WDPCP: variants seen among roughly 807,000 people sequenced by gnomAD.
WDPCP encodes WD repeat-containing and planar cell polarity effector protein fritz homolog.
A neutral mutation model predicts 93.1 loss-of-function variants in WDPCP; 71 were observed. That is an observed-to-expected ratio of 0.76 (90% CI 0.63 to 0.93). The LOEUF (loss-of-function observed/expected upper bound fraction) is 0.93, where lower values mean the gene tolerates loss of function less well. Among genes scored for constraint, WDPCP ranks in the 40% least tolerant of loss-of-function variants. The pLI, the probability that WDPCP is intolerant of heterozygous loss-of-function variation, is 0.00. For synonymous variants in WDPCP, 315 were observed against 315.0 expected, an observed-to-expected ratio of 1.00 and a Z score of 0.00; for missense variants, 844 against 887.4, an observed-to-expected ratio of 0.95 and a Z score of 0.62.
intron 2 of WDPCP, among the ~76,000 whole-genome samples, chr2:63,746,596 A>G (rs1394558888): frequency 1.3e-5 from 2 of 151,968 alleles, no homozygotes; most frequent in Non-Finnish European, 2.9e-5. Flanking sequence ...ATGCATTCCC[A>G]GGGGGGGCCT....
At chr2:63,550,581 A>C (rs1185831725) in intron 1 of WDPCP, among the ~76,000 whole-genome samples, 1 of 151,470 alleles carries the variant, frequency 6.6e-6, no homozygotes, top group African/African-American at 2.4e-5. Flanking sequence ...ATTCCTCAAA[A>C]TTCTGTCTTA....
intron 6 of WDPCP, among the ~76,000 whole-genome samples, chr2:63,473,295 G>C (rs1699792813): frequency 1.3e-5 from 2 of 152,000 alleles, no homozygotes; most frequent in African/African-American, 4.8e-5. Context: ...GAAAGAGTTG[G>C]GAAAAACCTC....
At chr2:63,274,137 G>A (rs755329767) in intron 13 of WDPCP, among the ~76,000 whole-genome samples, 10 of 151,976 alleles carry the variant, frequency 6.6e-5, no homozygotes, top group South Asian at 2.1e-4. Flanking sequence ...TAAAAAAATC[G>A]TATCAAGTAT....
Position 63,575,419 on chromosome 2 carries a change from C to G in WDPCP, c.75+12778G>C, listed in dbSNP as rs13016838. ...ATACAGTATATATACAGTATATACA[C>G]TGTATACAGTGTATATACAGTGTAT... On this transcript the variant is annotated intron_variant, in intron 1 of 17. Transcript: ENST00000272321. Among the ~76,000 whole-genome samples the G allele has an allele frequency of 6.4e-3, 421 of 65,534 alleles. 55 individuals are homozygous for G. The highest frequency in any genetic ancestry group is 0.049 in the Middle Eastern group (5 of 102). The allele number at this position is 65,534 out of a possible 152,430, so 43.0% of individuals were successfully genotyped here.
At chr2:63,364,933 T>C (rs1575235709) in intron 12 of WDPCP, among the ~76,000 whole-genome samples, 1 of 152,184 alleles carries the variant, frequency 6.6e-6, no homozygotes, top group Non-Finnish European at 1.5e-5. Context: ...CTATCACAAG[T>C]AAACCCTGCC....
rs554236387 is a variant in WDPCP at position 63,599,079 on chromosome 2, C to A, written n.488+51580G>T. On this transcript the variant is annotated intron_variant and non_coding_transcript_variant, in intron 3 of 4. Transcript: ENST00000467687. ...TTCCCAAGCCTCCCCTGTACAAAGG[C>A]TACCTGTTAGACATTTTCAGTCAAA... 43 of 1,341,322 alleles carry A rather than the reference C, an allele frequency of 3.2e-5. No homozygotes were observed. The East Asian group carries it at 1.0e-3, about 32-fold the overall frequency. The allele number at this position is 1,341,322 out of a possible 1,614,324, so 83.1% of individuals were successfully genotyped here.
chr2:63,709,464 T>A (rs997994311), intron 2 of WDPCP, among the ~76,000 whole-genome samples: 1 of 152,188 alleles, frequency 6.6e-6, no homozygotes, highest in African/African-American at 2.4e-5. Context: ...ATGGGTGGTA[T>A]TGGATTACGC....
At chr2:63,762,637 G>A (rs1008979867) in intron 2 of WDPCP, among the ~76,000 whole-genome samples, 4 of 152,192 alleles carry the variant, frequency 2.6e-5, no homozygotes, top group African/African-American at 2.4e-5. Flanking sequence ...GAAGGGTCCC[G>A]AAGGAGGTTA....
chr2:63,781,613 G>A (rs1016908249), intron 2 of WDPCP, among the ~76,000 whole-genome samples: 3 of 152,100 alleles, frequency 2.0e-5, no homozygotes, highest in Admixed American at 6.6e-5. Flanking sequence ...TACTTGGGAG[G>A]CAGAGAGTCA....
intron 2 of WDPCP, among the ~76,000 whole-genome samples, chr2:63,793,420 C>A (rs1670571933): frequency 6.6e-6 from 1 of 152,146 alleles, no homozygotes; most frequent in African/African-American, 2.4e-5. Context: ...CCAACGTGAG[C>A]AAAATAGCAA....
chr2:63,560,656 A>T (rs1157417686), intron 1 of WDPCP, among the ~76,000 whole-genome samples: 1 of 152,202 alleles, frequency 6.6e-6, no homozygotes, highest in Non-Finnish European at 1.5e-5. Context: ...GCAGCCATAC[A>T]AAAGGGTGAG....
intron 9 of WDPCP, among the ~76,000 whole-genome samples, chr2:63,412,762 A>T (rs1248301847): frequency 6.8e-6 from 1 of 146,460 alleles, no homozygotes; most frequent in African/African-American, 2.5e-5. Context: ...CAAGAACTCA[A>T]CCCCTTTTAT....
chr2:63,757,326 T>C (rs1312546386), intron 2 of WDPCP, among the ~76,000 whole-genome samples: 1 of 152,196 alleles, frequency 6.6e-6, no homozygotes, highest in South Asian at 2.1e-4. Flanking sequence ...GTATTTGCTG[T>C]GTGTTTTCCA....
intron 12 of WDPCP, chr2:63,378,127 G>A: frequency 2.2e-6 from 1 of 457,864 alleles, no homozygotes; most frequent in Non-Finnish European, 4.0e-6. Context: ...TTTCTACATT[G>A]ACTTTACATA....
intron 9 of WDPCP, among the ~76,000 whole-genome samples, chr2:63,423,355 C>T (rs1159103505): frequency 6.6e-6 from 1 of 152,112 alleles, no homozygotes; most frequent in East Asian, 1.9e-4. Flanking sequence ...ATTTATAATG[C>T]CTTCTGAATG....
chr2:63,619,674 A>G (rs1709711245), intron 3 of WDPCP, among the ~76,000 whole-genome samples: 1 of 152,238 alleles, frequency 6.6e-6, no homozygotes, highest in African/African-American at 2.4e-5. Flanking sequence ...TCGATTTCAA[A>G]TATTAGCACC....
At chr2:63,321,024 GATATA>G (rs1379192787) in intron 12 of WDPCP, among the ~76,000 whole-genome samples, 1 of 151,766 alleles carries the variant, frequency 6.6e-6, no homozygotes, top group Admixed American at 6.6e-5. Context: ...ATAATTATCA[GATATA>G]ATATACTTTA....
chr2:63,724,247 A>C (rs1485099421), intron 2 of WDPCP, among the ~76,000 whole-genome samples: 1 of 152,214 alleles, frequency 6.6e-6, no homozygotes, highest in African/African-American at 2.4e-5. Context: ...ATGGGCTAAA[A>C]GTACCACATT....
At chr2:63,210,400 A>T in intron 14 of WDPCP, among the ~76,000 whole-genome samples, 1 of 152,336 alleles carries the variant, frequency 6.6e-6, no homozygotes, top group Middle Eastern at 3.4e-3. Context: ...ACAAATTAAA[A>T]TTTTTTAAAT....
Sources: gnomAD v4.1 joint callset for allele counts (sites outside exome capture counted in the v4.1 genomes callset) on GRCh38, gnomAD v4.1.1 for gene constraint, MANE v1.5 for transcripts, NCBI Gene and HGNC (gene_info 2026-07-23, HGNC 2026-07-21) for gene names.